Variants in ACYP2 observed in about 807,000 individuals in gnomAD.
ACYP2 encodes acylphosphatase-2.
A neutral mutation model predicts 11.2 loss-of-function variants in ACYP2; 12 were observed. The ratio of observed to expected loss-of-function variants is 1.08; its 90% CI spans 0.69 to 1.74. ACYP2 has a LOEUF of 1.74. ACYP2 is among the 40% of genes most tolerant of loss of function. ACYP2 has a pLI of 0.00. For synonymous variants in ACYP2, 43 were observed against 32.2 expected, an observed-to-expected ratio of 1.33 and a Z score of -1.13; for missense variants, 134 against 101.9, an observed-to-expected ratio of 1.31 and a Z score of -1.35.
intron 6 of ACYP2, among the ~76,000 whole-genome samples, chr2:54,239,324 A>G (rs1432609769): frequency 6.6e-6 from 1 of 152,208 alleles, no homozygotes; most frequent in African/African-American, 2.4e-5. Flanking sequence ...TTCACTGCTT[A>G]TAAAGAGACC....
At chr2:54,015,651 A>T (rs200827752) in intron 2 of ACYP2, among the ~76,000 whole-genome samples, 24,510 of 112,910 alleles carry the variant, frequency 0.22, 2,357 homozygotes, top group South Asian at 0.39. Context: ...CCCGTCACAC[A>T]CACACACACA....
intron 6 of ACYP2, among the ~76,000 whole-genome samples, chr2:54,229,443 TATTTA>T (rs1686141372): frequency 6.6e-6 from 1 of 152,222 alleles, no homozygotes; most frequent in East Asian, 1.9e-4. Flanking sequence ...ATGAAATTAT[TATTTA>T]ATTATATCAC....
At chr2:54,262,570 C>T (rs1687826909) in intron 6 of ACYP2, among the ~76,000 whole-genome samples, 1 of 151,934 alleles carries the variant, frequency 6.6e-6, no homozygotes, top group African/African-American at 2.4e-5. Context: ...TCATCATTAC[C>T]ATAAGAGTAT....
intron 2 of ACYP2, chr2:53,973,924 TTTTTTTG>T: frequency 6.3e-6 from 1 of 158,938 alleles, no homozygotes; most frequent in South Asian, 2.3e-4. Flanking sequence ...TTTTTTTTTT[TTTTTTTG>T]AGTCTCACTC....
chr2:54,248,679 C>T (rs1186826187), intron 6 of ACYP2, among the ~76,000 whole-genome samples: 7 of 152,112 alleles, frequency 4.6e-5, no homozygotes, highest in African/African-American at 1.4e-4. Context: ...TGCTTGAGAA[C>T]AGGGACTATG....
At chr2:54,003,405 A>G (rs1672896751) in intron 2 of ACYP2, among the ~76,000 whole-genome samples, 1 of 152,116 alleles carries the variant, frequency 6.6e-6, no homozygotes, top group Non-Finnish European at 1.5e-5. Flanking sequence ...GATTACAGGC[A>G]TCTGCCACCA....
At chr2:54,175,200 A>G (rs1190799866) in intron 6 of ACYP2, among the ~76,000 whole-genome samples, 1 of 152,076 alleles carries the variant, frequency 6.6e-6, no homozygotes, top group Non-Finnish European at 1.5e-5. Flanking sequence ...TATTGCTTCA[A>G]TTTCAGAGCC....
intron 5 of ACYP2, among the ~76,000 whole-genome samples, chr2:54,136,013 T>C (rs1681208600): frequency 6.6e-6 from 1 of 152,210 alleles, no homozygotes; most frequent in Admixed American, 6.5e-5. Flanking sequence ...TTCTCCTGCC[T>C]CACCCTCCCA....
chr2:54,232,698 C>A (rs1199026097), intron 6 of ACYP2, among the ~76,000 whole-genome samples: 1 of 152,062 alleles, frequency 6.6e-6, no homozygotes, highest in Non-Finnish European at 1.5e-5. Context: ...AGGAAACGTA[C>A]AATCATGGCA....
At chr2:54,280,607 G>T (rs2104114866) in intron 6 of ACYP2, among the ~76,000 whole-genome samples, 1 of 152,228 alleles carries the variant, frequency 6.6e-6, no homozygotes, top group African/African-American at 2.4e-5. Context: ...GAGGCAAAAG[G>T]GTAGTGTCCC....
At chr2:54,230,578 CTGGTCT>C (rs1223043618) in intron 6 of ACYP2, among the ~76,000 whole-genome samples, 1 of 152,016 alleles carries the variant, frequency 6.6e-6, no homozygotes, top group East Asian at 1.9e-4. Context: ...GTTGGTCAGG[CTGGTCT>C]TGAACTTCCA....
intron 6 of ACYP2, among the ~76,000 whole-genome samples, chr2:54,273,142 G>A (rs17268381): frequency 0.012 from 1,866 of 152,314 alleles, 57 homozygotes; most frequent in Admixed American, 0.075. Flanking sequence ...AAAACTGACT[G>A]TTCAAATTTA....
chr2:54,110,850 C>T (rs1455577154), intron 4 of ACYP2, among the ~76,000 whole-genome samples: 1 of 151,850 alleles, frequency 6.6e-6, no homozygotes, highest in African/African-American at 2.4e-5. Context: ...ACACGTTGAC[C>T]GATACCTGAG....
At chr2:54,034,476 G>T (rs2104557027) in intron 2 of ACYP2, among the ~76,000 whole-genome samples, 1 of 152,314 alleles carries the variant, frequency 6.6e-6, no homozygotes, top group South Asian at 2.1e-4. Flanking sequence ...ATTCAGTACA[G>T]TAACATGCTG....
rs150079530 is a variant in ACYP2 at position 54,245,473 on chromosome 2, G to T, written c.405-59215G>T. On this transcript the variant is annotated intron_variant, in intron 6 of 6. Coordinates refer to ENST00000607452, the MANE Select transcript of ACYP2 (RefSeq NM_001320586.2). ...GAATATTGTTCTCCATAGTGGTTTT[G>T]TTGGTTTACATTCCCACCAACAGTG... Among the ~76,000 whole-genome samples, 108 of 152,090 alleles carry T rather than the reference G, an allele frequency of 7.1e-4. No homozygotes were observed. In the East Asian group the frequency reaches 0.019, roughly 27 times the overall value.
chr2:53,981,360 C>G (rs906973850), intron 2 of ACYP2, among the ~76,000 whole-genome samples: 5 of 152,150 alleles, frequency 3.3e-5, no homozygotes, highest in African/African-American at 1.2e-4. Flanking sequence ...CATAGGGGCT[C>G]AATAATTTTC....
intron 2 of ACYP2, among the ~76,000 whole-genome samples, chr2:54,034,821 C>T (rs1422478194): frequency 5.9e-5 from 9 of 151,762 alleles, no homozygotes; most frequent in East Asian, 5.8e-4. Flanking sequence ...CCAGCCTGGC[C>T]AACATAGTAA....
At chr2:54,143,714 G>A (rs1378632161) in intron 6 of ACYP2, among the ~76,000 whole-genome samples, 1 of 124,814 alleles carries the variant, frequency 8.0e-6, no homozygotes, top group Non-Finnish European at 1.6e-5. Flanking sequence ...TTACAGGCAT[G>A]AGCCACCATA....
At chr2:54,246,646 G>C (rs1445392901) in intron 6 of ACYP2, among the ~76,000 whole-genome samples, 2 of 152,014 alleles carry the variant, frequency 1.3e-5, no homozygotes, top group Non-Finnish European at 2.9e-5. Context: ...ATCAGAAATT[G>C]TAGTAGTTTT....
Sources: allele counts gnomAD v4.1 joint callset (sites outside exome capture counted in the v4.1 genomes callset), GRCh38; gene constraint gnomAD v4.1.1; transcripts MANE v1.5; gene names NCBI Gene and HGNC (gene_info 2026-07-23, HGNC 2026-07-21).